LARGE1: variants seen among roughly 807,000 people sequenced by gnomAD.
LARGE1 encodes xylosyl- and glucuronyltransferase LARGE1.
LARGE1 carries 43 observed loss-of-function variants against 87.6 expected under a neutral mutation model. The observed-to-expected ratio is 0.49, with a 90% confidence interval of 0.38 to 0.63. The LOEUF is 0.63. LARGE1 is among the 30% of genes least tolerant of loss of function. The pLI, the probability that LARGE1 is intolerant of heterozygous loss-of-function variation, is 0.00. For missense variants in LARGE1, 802 were observed against 1,000.2 expected (o/e 0.80, Z 2.67); for synonymous variants, 434 against 394.6 (o/e 1.10, Z -1.18).
At position 33,507,178 on chromosome 22, in the gene LARGE1, C is replaced by T. The variant is rs115133281; in HGVS notation, c.787+57670G>A. On this transcript the variant is annotated intron_variant, in intron 6 of 14. Coordinates refer to ENST00000397394, the MANE Select transcript of LARGE1 (RefSeq NM_133642.5). The stretch of plus-strand genomic sequence containing the variant: ...GAATTCAGCAGGCTGATGACATGAA[C>T]ATCCCAGGCATAGGGACCAGCTTTT... Among the ~76,000 whole-genome samples the T allele has an allele frequency of 4.2e-3, 644 of 152,276 alleles. 5 individuals are homozygous for T. The highest frequency in any genetic ancestry group is 0.015 in the African/African-American group (619 of 41,548).
chr22:33,651,458 A>C (rs11913941), intron 2 of LARGE1, among the ~76,000 whole-genome samples: 2,460 of 151,908 alleles, frequency 0.016, 49 homozygotes, highest in African/African-American at 0.048. Context: ...CTTCCTATGC[A>C]AACTCCTATA....
chr22:33,622,480 T>C (rs1432685000), intron 4 of LARGE1, among the ~76,000 whole-genome samples: 2 of 152,208 alleles, frequency 1.3e-5, no homozygotes, highest in Non-Finnish European at 2.9e-5. Context: ...AGCAGTTCTT[T>C]ATAGTAGTAT....
At chr22:33,597,293 A>C (rs2079003665) in intron 5 of LARGE1, among the ~76,000 whole-genome samples, 1 of 152,058 alleles carries the variant, frequency 6.6e-6, no homozygotes, top group African/African-American at 2.4e-5. Context: ...AAAAAAAAAA[A>C]AAAAACTTGT....
chr22:33,455,312 G>C (rs1028876125), intron 6 of LARGE1, among the ~76,000 whole-genome samples: 29 of 152,216 alleles, frequency 1.9e-4, no homozygotes, highest in African/African-American at 5.8e-4. Context: ...TGCTTACCAA[G>C]AGTGACTTGT....
At chr22:33,852,088 G>C (rs1018205070) in intron 1 of LARGE1, among the ~76,000 whole-genome samples, 1 of 152,214 alleles carries the variant, frequency 6.6e-6, no homozygotes, top group African/African-American at 2.4e-5. Flanking sequence ...ATTAGAGCCA[G>C]GCTGGCTCTA....
chr22:33,283,357 A>G lies in LARGE1; in HGVS notation c.1731-9T>C. The G allele has an allele frequency of 1.2e-6, 2 of 1,614,154 alleles. No individual in the cohort carries two copies. The highest frequency in any genetic ancestry group is 1.7e-6 in the Non-Finnish European group (2 of 1,180,016). ...GCTGGATGACAGACTTCCTGAAAAG[A>G]GGGGACAGGCAGAGAGACAGAGTCC... On this transcript the variant is annotated splice_polypyrimidine_tract_variant and intron_variant, in intron 12 of 14. Transcript: ENST00000397394.
At chr22:33,913,141 T>C (rs1251311955) in intron 1 of LARGE1, among the ~76,000 whole-genome samples, 6 of 152,324 alleles carry the variant, frequency 3.9e-5, no homozygotes, top group Middle Eastern at 3.4e-3. Flanking sequence ...CTGATTTTGA[T>C]ATTTTTTAAT....
chr22:33,805,015 TA>T (rs2086265856), intron 1 of LARGE1, among the ~76,000 whole-genome samples: 2 of 152,236 alleles, frequency 1.3e-5, no homozygotes, highest in Admixed American at 1.3e-4. Context: ...ACTGAACTCC[TA>T]ATGTTCTCTC....
chr22:33,439,896 C>T (rs184287596), intron 6 of LARGE1, among the ~76,000 whole-genome samples: 3 of 152,262 alleles, frequency 2.0e-5, no homozygotes, highest in Admixed American at 2.0e-4. Context: ...AATCTTGAAC[C>T]CTCCTGCTCC....
chr22:33,586,173 A>G (rs1457626705), intron 5 of LARGE1, among the ~76,000 whole-genome samples: 1 of 152,098 alleles, frequency 6.6e-6, no homozygotes, highest in Non-Finnish European at 1.5e-5. Flanking sequence ...GCACAGGGAA[A>G]CCAGCTGGCT....
At chr22:33,860,320 T>C (rs1232857382) in intron 1 of LARGE1, among the ~76,000 whole-genome samples, 1 of 152,170 alleles carries the variant, frequency 6.6e-6, no homozygotes, top group African/African-American at 2.4e-5. Flanking sequence ...ATCGAGAAGC[T>C]GATACTTAAC....
At chr22:33,513,386 T>G (rs1415114522) in intron 6 of LARGE1, among the ~76,000 whole-genome samples, 2 of 152,194 alleles carry the variant, frequency 1.3e-5, no homozygotes, top group African/African-American at 4.8e-5. Context: ...CTAAATGGGC[T>G]AAACCTTGTG....
chr22:33,146,265 A>T, the LARGE1 span, among the ~76,000 whole-genome samples: 1 of 152,208 alleles, frequency 6.6e-6, no homozygotes, highest in Non-Finnish European at 1.5e-5. Context: ...CTAAGGCTTC[A>T]TAGATTTTAG....
chr22:33,900,330 A>T (rs1456055481), intron 1 of LARGE1, among the ~76,000 whole-genome samples: 1 of 152,184 alleles, frequency 6.6e-6, no homozygotes, highest in African/African-American at 2.4e-5. Flanking sequence ...CCAAACACAC[A>T]GCTCAGGTAC....
At chr22:33,422,394 C>T (rs545678232) in intron 7 of LARGE1, among the ~76,000 whole-genome samples, 1 of 152,280 alleles carries the variant, frequency 6.6e-6, no homozygotes, top group South Asian at 2.1e-4. Context: ...ATCTGCTCAG[C>T]TTCTGGGGAG....
chr22:33,305,990 T>C (rs59400501), intron 11 of LARGE1, among the ~76,000 whole-genome samples: 8,061 of 151,962 alleles, frequency 0.053, 270 homozygotes, highest in African/African-American at 0.076. Flanking sequence ...AGCCGCCCGC[T>C]ACCACGCCCG....
At chr22:33,245,669 G>A (rs1171724521) in intron 11 of LARGE1, among the ~76,000 whole-genome samples, 1 of 152,234 alleles carries the variant, frequency 6.6e-6, no homozygotes. Context: ...AGCACTTTGG[G>A]AGGCTGAGGT....
At chr22:33,238,999 A>G (rs1304722094) in intron 11 of LARGE1, among the ~76,000 whole-genome samples, 1 of 152,158 alleles carries the variant, frequency 6.6e-6, no homozygotes, top group African/African-American at 2.4e-5. Context: ...TAAAATAGAA[A>G]AAAAATAAGA....
At chr22:33,641,941 A>AGAGAATGTATCCTGAAG (rs1432828023) in intron 3 of LARGE1, among the ~76,000 whole-genome samples, 1 of 152,236 alleles carries the variant, frequency 6.6e-6, no homozygotes, top group East Asian at 1.9e-4. Flanking sequence ...GAATGGAACC[A>AGAGAATGTATCCTGAAG]AGTTGGAAAA....
Sources: gnomAD v4.1 joint callset for allele counts (sites outside exome capture counted in the v4.1 genomes callset) on GRCh38, gnomAD v4.1.1 for gene constraint, MANE v1.5 for transcripts, NCBI Gene and HGNC (gene_info 2026-07-23, HGNC 2026-07-21) for gene names.